The following RGPD4 variants were observed in gnomAD, a reference collection of about 807,000 sequenced individuals.
The protein encoded by RGPD4 is ranBP2-like and GRIP domain-containing protein 4.
RGPD4 carries 84 observed loss-of-function variants against 141.1 expected under a neutral mutation model. The observed-to-expected ratio is 0.60, with a 90% CI of 0.50 to 0.71. The LOEUF (loss-of-function observed/expected upper bound fraction) is 0.71, where lower values mean the gene tolerates loss of function less well. Among genes scored for constraint, RGPD4 ranks in the 30% least tolerant of loss-of-function variants. The pLI, the probability that RGPD4 is intolerant of heterozygous loss-of-function variation, is 0.00. For synonymous variants in RGPD4, 298 were observed against 566.8 expected (o/e 0.53, Z 6.74); for missense variants, 918 against 1,622.4 (o/e 0.57, Z 7.46).
rs1354153050 is a variant in RGPD4 at position 107,882,666 on chromosome 2, C to T, written c.5065-6C>T. On this transcript the variant is annotated splice_region_variant and splice_polypyrimidine_tract_variant and intron_variant, in intron 21 of 22. Transcript: ENST00000408999. The stretch of plus-strand genomic sequence containing the variant: ...GCCCATTTTTAACTCATTTCTCTAA[C>T]ACCAGCTTCTCAAAAGTGAAATAAG... 3.1e-6 allele frequency: 5 copies of T among 1,610,870 alleles called. No individual in the cohort carries two copies. The highest frequency in any genetic ancestry group is 8.5e-7 in the Non-Finnish European group (1 of 1,179,794).
At chr2:107,827,354 G>A (rs1681245256) in intron 1 of RGPD4, among the ~76,000 whole-genome samples, 1 of 126,582 alleles carries the variant, frequency 7.9e-6, no homozygotes, top group African/African-American at 3.1e-5. Context: ...GATGGCTCAG[G>A]CGTCATGCCT....
At chr2:107,836,901 G>C (rs79656079) in intron 2 of RGPD4, among the ~76,000 whole-genome samples, 2,621 of 71,114 alleles carry the variant, frequency 0.037, 1,070 homozygotes, top group African/African-American at 0.15. Flanking sequence ...GAAATTGTTT[G>C]GCTTAAAACG....
chr2:107,881,082 C>T (rs1316410188), intron 21 of RGPD4, among the ~76,000 whole-genome samples: 2 of 150,598 alleles, frequency 1.3e-5, no homozygotes, highest in Non-Finnish European at 3.0e-5. Context: ...TTCCCCTGTA[C>T]TTTGCTGCTC....
chr2:107,874,159 G>T (rs1343202466), intron 20 of RGPD4, among the ~76,000 whole-genome samples: 1 of 151,136 alleles, frequency 6.6e-6, no homozygotes, highest in Non-Finnish European at 1.5e-5. Context: ...TTTATCTAAT[G>T]TTTATGTTTA....
intron 22 of RGPD4, among the ~76,000 whole-genome samples, chr2:107,889,123 A>G (rs980933403): frequency 2.0e-5 from 3 of 150,480 alleles, no homozygotes; most frequent in Non-Finnish European, 4.4e-5. Context: ...TCATACATAT[A>G]TACGTATGAA....
At chr2:107,845,475 G>T (rs566866325) in intron 6 of RGPD4, among the ~76,000 whole-genome samples, 2 of 150,266 alleles carry the variant, frequency 1.3e-5, no homozygotes, top group South Asian at 2.1e-4. Flanking sequence ...GGAGTCACTC[G>T]GGAGAATCTG....
intron 20 of RGPD4, among the ~76,000 whole-genome samples, chr2:107,878,256 C>G (rs1683148396): frequency 6.6e-6 from 1 of 151,596 alleles, no homozygotes; most frequent in Admixed American, 6.6e-5. Context: ...AGATTTTGAA[C>G]AATCTCACAC....
intron 7 of RGPD4, among the ~76,000 whole-genome samples, chr2:107,853,773 G>A (rs969878223): frequency 1.3e-5 from 1 of 75,856 alleles, no homozygotes; most frequent in African/African-American, 5.4e-5. Context: ...TTGGAGATAG[G>A]GTCTCACTCT....
Position 107,859,746 on chromosome 2 carries a change from AC to A in RGPD4, c.1660del (p.Leu554PhefsTer2). ...GACCTGGAAACTCAGCAAAATTGAG[AC>A]TTTTAGTTCAGCATGAAATAAACAC... is the stretch of plus-strand genomic sequence containing the variant. ...AVPGNSAKLR[L>X]LVQHEINTLR... On this transcript the variant is annotated frameshift_variant, in exon 12 of 23. Transcript: ENST00000408999. LOFTEE classifies it high-confidence loss of function. The A allele has an allele frequency of 6.2e-7, 1 of 1,611,238 alleles. No individual in the cohort carries two copies. The highest frequency in any genetic ancestry group is 1.1e-5 in the South Asian group (1 of 90,968).
intron 8 of RGPD4, 120 bp downstream of exon 8, chr2:107,854,763 C>G (rs1466510249): frequency 6.9e-7 from 1 of 1,438,958 alleles, no homozygotes; most frequent in Non-Finnish European, 9.3e-7. Flanking sequence ...TTCTTTTCGC[C>G]GTATCAGTTA....
At chr2:107,832,295 C>T (rs1681521198) in intron 1 of RGPD4, among the ~76,000 whole-genome samples, 1 of 150,094 alleles carries the variant, frequency 6.7e-6, no homozygotes. Context: ...CTTGGGACTT[C>T]CCTTTATCAC....
chr2:107,881,792 A>T (rs1279963339), intron 21 of RGPD4, among the ~76,000 whole-genome samples: 1 of 151,392 alleles, frequency 6.6e-6, no homozygotes, highest in Non-Finnish European at 1.5e-5. Flanking sequence ...TTCCTCAAAG[A>T]CTTGAACATG....
At position 107,890,985 on chromosome 2, in the gene RGPD4, G is replaced by C; in HGVS notation, c.*254G>C. 1 of 582,650 alleles carries C rather than the reference G, an allele frequency of 1.7e-6. No homozygotes were observed. Among genetic ancestry groups the C allele is most frequent in the Admixed American group, 3.3e-5 (1 of 29,952 alleles). 36.1% of individuals were successfully genotyped at this position (582,650 alleles called of 1,614,324 possible). A position where few individuals can be genotyped will look rare whatever the true frequency, so the allele number is the denominator to read the frequency against. On this transcript the variant is annotated 3_prime_UTR_variant, in exon 23 of 23. Transcript: ENST00000408999. ...ACAACAGCTTGAAGTATTGATACCA[G>C]GCCACAGCCCTCTAACTCATGTGAT...
rs1222283120 is a variant in RGPD4 at position 107,844,830 on chromosome 2, G to GTTTTTTTTT, written c.782+1116_782+1124dup. 8.4e-4 allele frequency among the ~76,000 whole-genome samples: 22 copies of GTTTTTTTTT among 26,188 alleles called. 1 individual carries two copies. The highest frequency in any genetic ancestry group is 2.9e-3 in the East Asian group (4 of 1,386). 17.2% of individuals were successfully genotyped at this position (26,188 alleles called of 152,430 possible). A position where few individuals can be genotyped will look rare whatever the true frequency, so the allele number is the denominator to read the frequency against. Reference sequence around the variant, plus strand: ...TTCTTTCTTTCTTTCTTTCTTTTTTGTTTTTTTTTTTTTTTTTTTTTTTTG... The same window carrying GTTTTTTTTT: ...TTCTTTCTTTCTTTCTTTCTTTTTTGTTTTTTTTTTTTTTTTTTTTTTTTTTTTTTTTTG... On this transcript the variant is annotated intron_variant, in intron 6 of 22. Coordinates refer to ENST00000408999, the MANE Select transcript of RGPD4 (RefSeq NM_182588.3).
chr2:107,890,576 A>AAACACC (rs1675628273), intron 22 of RGPD4, 145 bp from the exon 23 acceptor site: 1 of 88,404 alleles, frequency 1.1e-5, no homozygotes, highest in African/African-American at 6.1e-5. Context: ...AAAAAAAAGA[A>AAACACC]CCCCCCCCCC....
intron 21 of RGPD4, among the ~76,000 whole-genome samples, chr2:107,880,991 A>T (rs1439851241): frequency 6.6e-6 from 1 of 151,834 alleles, no homozygotes; most frequent in Non-Finnish European, 1.5e-5. Flanking sequence ...ATTTAATCTC[A>T]TCACTGGTTA....
At chr2:107,875,591 A>G (rs1424624452) in intron 20 of RGPD4, among the ~76,000 whole-genome samples, 1 of 146,398 alleles carries the variant, frequency 6.8e-6, no homozygotes, top group Non-Finnish European at 1.5e-5. Flanking sequence ...AACAGGTTGC[A>G]TATAGAAGTT....
At chr2:107,846,051 C>T (rs1251395677) in intron 6 of RGPD4, among the ~76,000 whole-genome samples, 9 of 108,270 alleles carry the variant, frequency 8.3e-5, no homozygotes, top group South Asian at 3.5e-4. Context: ...CTCAGCCTCC[C>T]GAGTAGCTGG....
chr2:107,831,267 A>G (rs576334722), intron 1 of RGPD4, among the ~76,000 whole-genome samples: 3 of 149,450 alleles, frequency 2.0e-5, no homozygotes, highest in Admixed American at 6.7e-5. Context: ...ATGTTCTGTC[A>G]AGTCGGTTTC....
Sources: gnomAD v4.1 joint callset for allele counts (sites outside exome capture counted in the v4.1 genomes callset) on GRCh38, gnomAD v4.1.1 for gene constraint, MANE v1.5 for transcripts, NCBI Gene and HGNC (gene_info 2026-07-23, HGNC 2026-07-21) for gene names.